Variants in GPC3 observed in about 807,000 individuals in gnomAD.
GPC3 encodes glypican 3.
A neutral mutation model predicts 34.4 loss-of-function variants in GPC3; 3 were observed. The ratio of observed to expected loss-of-function variants is 0.09; its 90% CI spans 0.04 to 0.23. The LOEUF (loss-of-function observed/expected upper bound fraction) is 0.23. GPC3 is among the 10% of genes least tolerant of loss of function. The pLI is 1.00. For missense variants in GPC3, 351 were observed against 445.6 expected, an observed-to-expected ratio of 0.79 and a Z score of 1.91; for synonymous variants, 177 against 174.0, an observed-to-expected ratio of 1.02 and a Z score of -0.13.
chrX:133,958,544 CAAAA>C (rs761514189), intron 1 of GPC3, among the ~76,000 whole-genome samples: 1 of 40,550 alleles, frequency 2.5e-5, no homozygotes. Flanking sequence ...GACCCAGTCT[CAAAA>C]AAAAAAAAAA....
intron 1 of GPC3, among the ~76,000 whole-genome samples, chrX:133,970,922 A>G (rs780042532): frequency 1.8e-5 from 2 of 111,938 alleles, no homozygotes; most frequent in East Asian, 2.8e-4. Flanking sequence ...GAATAGTCCA[A>G]TTGGAATACA....
intron 2 of GPC3, among the ~76,000 whole-genome samples, chrX:133,928,322 T>C (rs1282482996): frequency 2.7e-5 from 3 of 111,931 alleles, no homozygotes; most frequent in African/African-American, 9.7e-5. Flanking sequence ...ATTCATCCAT[T>C]TGGACAACCA....
chrX:133,707,289 T>C (rs1283285519), intron 3 of GPC3, among the ~76,000 whole-genome samples: 1 of 111,492 alleles, frequency 9.0e-6, no homozygotes, highest in African/African-American at 3.3e-5. Context: ...GGACCATCCA[T>C]ACCCCAAACC....
At chrX:133,762,920 A>C in intron 2 of GPC3, 2 of 559,278 alleles carry the variant, frequency 3.6e-6, no homozygotes, top group Non-Finnish European at 6.4e-6. Context: ...TATAAAAGGA[A>C]AAGTGATGGC....
At chrX:133,714,537 C>A (rs2071297396) in intron 3 of GPC3, among the ~76,000 whole-genome samples, 1 of 110,403 alleles carries the variant, frequency 9.1e-6, no homozygotes, top group African/African-American at 3.3e-5. Flanking sequence ...ATAATCTCTG[C>A]TCTACACTAA....
At chrX:133,614,178 T>G (rs985257600) in intron 6 of GPC3, among the ~76,000 whole-genome samples, 25 of 110,673 alleles carry the variant, frequency 2.3e-4, no homozygotes, top group African/African-American at 7.9e-4. Context: ...GAGAGAGAAA[T>G]AGGAAGAAAG....
chrX:133,816,280 C>G (rs2075691184), intron 2 of GPC3, among the ~76,000 whole-genome samples: 1 of 111,532 alleles, frequency 9.0e-6, no homozygotes, highest in Admixed American at 9.5e-5. Flanking sequence ...GTCTCAAACT[C>G]CTGGTCTCAA....
At chrX:133,614,424 G>T (rs1319718213) in intron 6 of GPC3, among the ~76,000 whole-genome samples, 1 of 109,848 alleles carries the variant, frequency 9.1e-6, no homozygotes, top group African/African-American at 3.3e-5. Context: ...TCATCAGAAA[G>T]CATGAAAGCC....
rs550972016 is a variant in GPC3 at position 133,915,368 on chromosome X, T to C, written c.337+37682A>G. ...TTTTGTATTCTTAGTAGAGACAGGG[T>C]TTCACTATGTTGGCCAGGCTGTTCT... On this transcript the variant is annotated intron_variant, in intron 2 of 7. Transcript: ENST00000370818. Among the ~76,000 whole-genome samples the C allele has an allele frequency of 9.1e-5, 10 of 110,297 alleles. No homozygotes were observed. In the South Asian group the frequency reaches 3.9e-3, roughly 44 times the overall value.
rs1165193952 is a variant in GPC3, at chrX:133,863,648, CT to C, written c.337+89401del. Among the ~76,000 whole-genome samples the C allele has an allele frequency of 5.9e-3, 431 of 72,847 alleles. 5 individuals carry two copies. Among genetic ancestry groups the C allele is most frequent in the Middle Eastern group, 7.3e-3 (1 of 137 alleles). The allele number at this position is 72,847 out of a possible 115,157, so 63.3% of individuals were successfully genotyped here. A position where few individuals can be genotyped will look rare whatever the true frequency, so the allele number is the denominator to read the frequency against. ...ACCCCTAGTTAACATAAAAATATTC[CT>C]TTTTTTTTTTTTTTTTTGAGACGGA... On this transcript the variant is annotated intron_variant, in intron 2 of 7. Coordinates refer to ENST00000370818, the MANE Select transcript of GPC3 (RefSeq NM_004484.4).
chrX:133,647,378 AG>A (rs890288808), intron 6 of GPC3, among the ~76,000 whole-genome samples: 3 of 112,450 alleles, frequency 2.7e-5, no homozygotes, highest in Non-Finnish European at 5.6e-5. Flanking sequence ...GCAAGGGCAC[AG>A]GGGTGCTAAG....
chrX:133,715,530 T>G (rs1438616527), intron 3 of GPC3, among the ~76,000 whole-genome samples: 2 of 111,650 alleles, frequency 1.8e-5, no homozygotes, highest in Non-Finnish European at 3.8e-5. Context: ...CTCAGTAAAC[T>G]GTAATTATTT....
At chrX:133,555,416 C>T (rs752715475) in intron 7 of GPC3, among the ~76,000 whole-genome samples, 1 of 112,845 alleles carries the variant, frequency 8.9e-6, no homozygotes, top group East Asian at 2.8e-4. Flanking sequence ...ATCCATGTCC[C>T]TGATTCTGTT....
rs141788869 is a variant in GPC3, at chrX:133,918,337, A to G, written c.337+34713T>C. On this transcript the variant is annotated intron_variant, in intron 2 of 7. Transcript: ENST00000370818. ...GGTAAAAAGTCATACGTGACTAAGT[A>G]TTCTAAGGTGACCTAGTATGTTATA... Among the ~76,000 whole-genome samples, 591 of 112,484 alleles carry G rather than the reference A, an allele frequency of 5.3e-3. 6 individuals carry two copies. Among genetic ancestry groups the G allele is most frequent in the African/African-American group, 0.018 (559 of 31,028 alleles).
At chrX:133,806,557 A>T (rs1034042801) in intron 2 of GPC3, among the ~76,000 whole-genome samples, 1 of 112,236 alleles carries the variant, frequency 8.9e-6, no homozygotes, top group Non-Finnish European at 1.9e-5. Flanking sequence ...GCAGATTTCA[A>T]AAAACAAGAT....
At chrX:133,837,045 T>C (rs181324368) in intron 2 of GPC3, among the ~76,000 whole-genome samples, 69 of 112,069 alleles carry the variant, frequency 6.2e-4, no homozygotes, top group Non-Finnish European at 4.5e-4. Context: ...GATAACTACA[T>C]TGCAGTATAA....
chrX:133,695,355 C>G (rs1023374624), intron 4 of GPC3, among the ~76,000 whole-genome samples: 4 of 112,073 alleles, frequency 3.6e-5, no homozygotes, highest in African/African-American at 6.5e-5. Context: ...TTGCATAACT[C>G]TGTGGATATA....
At chrX:133,766,190 C>T (rs1348353157) in intron 2 of GPC3, among the ~76,000 whole-genome samples, 1 of 112,038 alleles carries the variant, frequency 8.9e-6, no homozygotes, top group Non-Finnish European at 1.9e-5. Flanking sequence ...GTAAAGTCAG[C>T]AACATTAACC....
intron 4 of GPC3, among the ~76,000 whole-genome samples, chrX:133,694,805 C>T (rs2071098952): frequency 9.2e-6 from 1 of 108,853 alleles, no homozygotes. Context: ...TCTCCCAACC[C>T]TTGCAGTTTT....
Sources: gnomAD v4.1 joint callset for allele counts (sites outside exome capture counted in the v4.1 genomes callset) on GRCh38, gnomAD v4.1.1 for gene constraint, MANE v1.5 for transcripts, NCBI Gene and HGNC (gene_info 2026-07-23, HGNC 2026-07-21) for gene names.